PWWP2B: variants seen among roughly 807,000 people sequenced by gnomAD.
PWWP2B encodes the protein PWWP domain-containing protein 2B.
PWWP2B carries 9 observed loss-of-function variants against 15.5 expected under a neutral mutation model. The ratio of observed to expected loss-of-function variants is 0.58; its 90% CI spans 0.35 to 1.02. The LOEUF is 1.02. PWWP2B is among the 50% of genes least tolerant of loss of function. The pLI is 0.02. For missense variants in PWWP2B, 864 were observed against 865.3 expected (o/e 1.00, Z 0.02); for synonymous variants, 474 against 403.6 (o/e 1.17, Z -2.09).
Position 132,405,551 on chromosome 10 carries a change from G to A in PWWP2B, c.1051G>A (p.Ala351Thr), listed in dbSNP as rs1423079569. The change falls in exon 2 of 3, where the codon GCC becomes ACC. Residue 351 changes from alanine (A) to threonine (T), a missense_variant. Ala to Thr is a moderately conservative substitution (Grantham distance 58). Around this residue, in one of 2 missense-constraint regions of PWWP2B, gnomAD observed 736 missense variants for 687.7 expected, o/e 1.07. Transcript: ENST00000305233. ...CAGCGAGCACGAGCCCGTGTACCGG[G>A]CCGAGCTGGTGGGGGAGCTGAACGG... The part of the protein sequence containing the change: ...GDSEHEPVYR[A>T]ELVGELNGYL... 6.2e-7 allele frequency: 1 copy of A among 1,605,450 alleles called. No homozygotes were observed. The highest frequency in any genetic ancestry group is 8.5e-7 in the Non-Finnish European group (1 of 1,179,006).
At position 132,397,358 on chromosome 10, in the gene PWWP2B, G is replaced by A. The variant is rs1239090197; in HGVS notation, c.125+7G>A. ...TGCTGGACTGCACGAAAAAGTGAGCGGGGGCGCGGGCCGGGACACCCCCGG... is the reference window on the plus strand; with the variant it reads ...TGCTGGACTGCACGAAAAAGTGAGCAGGGGCGCGGGCCGGGACACCCCCGG... On this transcript the variant is annotated splice_region_variant and intron_variant, in intron 1 of 2. Coordinates refer to ENST00000305233, the MANE Select transcript of PWWP2B (RefSeq NM_138499.4). The A allele has an allele frequency of 3.0e-6, 4 of 1,327,446 alleles. No individual in the cohort carries two copies. The highest frequency in any genetic ancestry group is 6.1e-5 in the Admixed American group (2 of 32,820). 82.2% of individuals were successfully genotyped at this position (1,327,446 alleles called of 1,614,324 possible). A position where few individuals can be genotyped will look rare whatever the true frequency, so the allele number is the denominator to read the frequency against.
intron 2 of PWWP2B, among the ~76,000 whole-genome samples, chr10:132,406,892 C>T (rs1182151343): frequency 6.6e-6 from 1 of 152,204 alleles, no homozygotes; most frequent in Non-Finnish European, 1.5e-5. Flanking sequence ...CGCACTCCGT[C>T]GTCAGCAGGC....
At position 132,397,277 on chromosome 10, in the gene PWWP2B, C is replaced by T. The variant is rs1434124558; in HGVS notation, c.51C>T (p.Val17=). The change falls in exon 1 of 3, where the codon GTC becomes GTT. Residue 17 remains valine, a synonymous_variant. Transcript: ENST00000305233. ...TGCCGGTGCGGGTGGAGCAGGTCGT[C>T]AACGGCGCGCTGGTGGTCACGGTGA... The part of the protein sequence containing the change: ...CRLPVRVEQV[V]NGALVVTVSC... 7 of 1,403,376 alleles carry T rather than the reference C, an allele frequency of 5.0e-6. No individual in the cohort carries two copies. Among genetic ancestry groups the T allele is most frequent in the South Asian group, 1.6e-5 (1 of 62,972 alleles). 86.9% of individuals were successfully genotyped at this position (1,403,376 alleles called of 1,614,324 possible). A position where few individuals can be genotyped will look rare whatever the true frequency, so the allele number is the denominator to read the frequency against.
chr10:132,406,014 C>G lies in PWWP2B; in HGVS notation c.1514C>G (p.Pro505Arg). ...WGKIHGFPWW[P>R]ARVLDISLGQ... ...AAGATCCATGGTTTTCCTTGGTGGC[C>G]GGCGCGTGTTCTTGACATCAGTCTC... The change falls in exon 2 of 3, where the codon CCG becomes CGG. Residue 505 changes from proline to arginine, a missense_variant. Physicochemically the swap from Pro to Arg is moderately radical, Grantham distance 103. Transcript: ENST00000305233. 1 of 1,613,704 alleles carries G rather than the reference C, an allele frequency of 6.2e-7. No individual in the cohort carries two copies. The highest frequency in any genetic ancestry group is 8.5e-7 in the Non-Finnish European group (1 of 1,179,998).
At chr10:132,397,433 T>C in intron 1 of PWWP2B, 82 bp downstream of exon 1, 1 of 1,092,108 alleles carries the variant, frequency 9.2e-7, no homozygotes, top group Non-Finnish European at 1.1e-6. Context: ...GGGACCCGCC[T>C]CCGGGTTGGG....
At chr10:132,413,897 A>T (rs969489076) in intron 2 of PWWP2B, among the ~76,000 whole-genome samples, 39 of 152,016 alleles carry the variant, frequency 2.6e-4, no homozygotes, top group Non-Finnish European at 4.4e-5. Flanking sequence ...GGGGCCTCAG[A>T]GACAGTGGGG....
chr10:132,411,009 C>T (rs1351114038), intron 2 of PWWP2B, among the ~76,000 whole-genome samples: 1 of 152,208 alleles, frequency 6.6e-6, no homozygotes, highest in African/African-American at 2.4e-5. Context: ...CGCCACTGGA[C>T]GGTCAGTGTT....
intron 1 of PWWP2B, among the ~76,000 whole-genome samples, chr10:132,401,100 G>A (rs988172014): frequency 1.3e-5 from 2 of 152,230 alleles, no homozygotes; most frequent in South Asian, 2.1e-4. Context: ...CCCCAGGGCC[G>A]CCACGGCTGA....
Position 132,397,300 on chromosome 10 carries a change from T to C in PWWP2B, c.74T>C (p.Val25Ala). The C allele has an allele frequency of 7.0e-7, 1 of 1,428,450 alleles. No individual in the cohort carries two copies. Among genetic ancestry groups the C allele is most frequent in the Non-Finnish European group, 9.3e-7 (1 of 1,081,068 alleles). 88.5% of individuals were successfully genotyped at this position (1,428,450 alleles called of 1,614,324 possible). A position where few individuals can be genotyped will look rare whatever the true frequency, so the allele number is the denominator to read the frequency against. The change falls in exon 1 of 3, where the codon GTG becomes GCG. Residue 25 changes from valine to alanine, a missense_variant. Around this residue, in one of 2 missense-constraint regions of PWWP2B, gnomAD observed 736 missense variants for 687.7 expected, o/e 1.07. Transcript: ENST00000305233. The part of the protein sequence containing the change: ...QVVNGALVVT[V>A]SCGERSFAGI... ...GTCAACGGCGCGCTGGTGGTCACGG[T>C]GAGCTGCGGCGAGCGGAGCTTCGCG...
intron 2 of PWWP2B, among the ~76,000 whole-genome samples, chr10:132,408,611 T>G (rs1222240686): frequency 6.6e-6 from 1 of 152,208 alleles, no homozygotes; most frequent in Non-Finnish European, 1.5e-5. Context: ...CAGCCGCTCC[T>G]GCAGCTGCCC....
intron 2 of PWWP2B, among the ~76,000 whole-genome samples, chr10:132,413,900 CAG>C (rs2069812351): frequency 1.3e-5 from 2 of 152,136 alleles, no homozygotes; most frequent in South Asian, 4.1e-4. Flanking sequence ...GCCTCAGAGA[CAG>C]TGGGGTGGGA....
chr10:132,416,147 T>C (rs2069852331), intron 2 of PWWP2B, among the ~76,000 whole-genome samples: 1 of 151,542 alleles, frequency 6.6e-6, no homozygotes, highest in Non-Finnish European at 1.5e-5. Context: ...CAGGGGCAGG[T>C]CCCTCCAGTG....
chr10:132,403,466 T>G (rs2069638822), intron 1 of PWWP2B, among the ~76,000 whole-genome samples: 1 of 152,224 alleles, frequency 6.6e-6, no homozygotes, highest in Non-Finnish European at 1.5e-5. Flanking sequence ...ACATCAGCGT[T>G]CGCAGAACTG....
At chr10:132,408,364 T>A (rs1207371806) in intron 2 of PWWP2B, among the ~76,000 whole-genome samples, 2 of 152,220 alleles carry the variant, frequency 1.3e-5, no homozygotes, top group Non-Finnish European at 2.9e-5. Context: ...ACCTCTGGTC[T>A]GCTCTTTGTA....
chr10:132,406,404 A>G, intron 2 of PWWP2B, 115 bp downstream of exon 2: 1 of 936,380 alleles, frequency 1.1e-6, no homozygotes, highest in Non-Finnish European at 1.5e-6. Flanking sequence ...TGTGCCCCTC[A>G]GCTGGCTTGC....
At position 132,397,209 on chromosome 10, in the gene PWWP2B, C is replaced by T; in HGVS notation, c.-18C>T. 1 of 1,065,198 alleles carries T rather than the reference C, an allele frequency of 9.4e-7. No individual in the cohort carries two copies. Among genetic ancestry groups the T allele is most frequent in the Non-Finnish European group, 1.1e-6 (1 of 882,928 alleles). 66.0% of individuals were successfully genotyped at this position (1,065,198 alleles called of 1,614,324 possible). On this transcript the variant is annotated 5_prime_UTR_variant, in exon 1 of 3. Coordinates refer to ENST00000305233, the MANE Select transcript of PWWP2B (RefSeq NM_138499.4). ...GCGGCGGCGGCGGGGCGGGGGCGGC[C>T]TGGGACGCGGCGGGAGCATGGAGCC...
chr10:132,404,349 C>T (rs575849007), intron 1 of PWWP2B, among the ~76,000 whole-genome samples: 2 of 152,258 alleles, frequency 1.3e-5, no homozygotes, highest in East Asian at 1.9e-4. Flanking sequence ...TTCGGAGCCT[C>T]TGGGCCTGTC....
chr10:132,399,160 C>T (rs2069580506), intron 1 of PWWP2B, among the ~76,000 whole-genome samples: 1 of 152,238 alleles, frequency 6.6e-6, no homozygotes, highest in African/African-American at 2.4e-5. Context: ...GGGTGCTGAC[C>T]TGCCTTCCCC....
At chr10:132,400,698 G>A (rs1047619210) in intron 1 of PWWP2B, among the ~76,000 whole-genome samples, 6 of 152,222 alleles carry the variant, frequency 3.9e-5, no homozygotes, top group Non-Finnish European at 8.8e-5. Context: ...GACTGCAGAC[G>A]CTTTCTAGAC....
Sources: allele counts gnomAD v4.1 joint callset (sites outside exome capture counted in the v4.1 genomes callset), GRCh38; gene constraint gnomAD v4.1.1; regional missense constraint gnomAD v4.1.1; transcripts MANE v1.5; gene names NCBI Gene and HGNC (gene_info 2026-07-23, HGNC 2026-07-21).